PPP4R2: variants seen among roughly 807,000 people sequenced by gnomAD.
PPP4R2 encodes the protein protein phosphatase 4 regulatory subunit 2.
In PPP4R2, 13 loss-of-function variants were observed where a neutral mutation model predicts 47.2. The ratio of observed to expected loss-of-function variants is 0.28; its 90% CI spans 0.18 to 0.44. The LOEUF (loss-of-function observed/expected upper bound fraction) is 0.44, where lower values mean the gene tolerates loss of function less well. Among genes scored for constraint, PPP4R2 ranks in the 20% least tolerant of loss-of-function variants. PPP4R2 has a pLI of 1.00. For synonymous variants in PPP4R2, 151 were observed against 163.3 expected, an observed-to-expected ratio of 0.92 and a Z score of 0.57; for missense variants, 421 against 491.2, an observed-to-expected ratio of 0.86 and a Z score of 1.35.
intron 2 of PPP4R2, among the ~76,000 whole-genome samples, chr3:73,035,206 G>A (rs1027185509): frequency 2.6e-5 from 4 of 152,050 alleles, no homozygotes; most frequent in Non-Finnish European, 2.9e-5. Context: ...TCGCAACCAC[G>A]ATGAGATGTT....
chr3:73,043,711 A>G (rs1212030708), intron 2 of PPP4R2, among the ~76,000 whole-genome samples: 1 of 152,158 alleles, frequency 6.6e-6, no homozygotes, highest in Non-Finnish European at 1.5e-5. Context: ...TCATATGCTT[A>G]TTGGCCATTT....
At chr3:73,047,709 T>TA (rs1702512752) in intron 3 of PPP4R2, among the ~76,000 whole-genome samples, 1 of 152,258 alleles carries the variant, frequency 6.6e-6, no homozygotes, top group Non-Finnish European at 1.5e-5. Flanking sequence ...TACTAATTTA[T>TA]GGAAGTATTT....
intron 5 of PPP4R2, chr3:73,062,211 C>T (rs200734889): frequency 6.3e-7 from 1 of 1,588,106 alleles, no homozygotes; most frequent in African/African-American, 1.4e-5. Context: ...AAGTCGGAAC[C>T]AATTTTCCAC....
At chr3:73,032,587 T>C (rs529327745) in intron 2 of PPP4R2, among the ~76,000 whole-genome samples, 3 of 152,136 alleles carry the variant, frequency 2.0e-5, no homozygotes, top group Non-Finnish European at 4.4e-5. Context: ...GTGCCCAGCC[T>C]ACCTTCCTAT....
intron 2 of PPP4R2, among the ~76,000 whole-genome samples, chr3:73,034,007 C>T (rs992360727): frequency 2.6e-5 from 4 of 152,162 alleles, no homozygotes; most frequent in Admixed American, 1.3e-4. Context: ...CGCCATTTTA[C>T]GTTCCCATCA....
chr3:73,038,158 A>G (rs1575867591), intron 2 of PPP4R2, among the ~76,000 whole-genome samples: 1 of 152,136 alleles, frequency 6.6e-6, no homozygotes, highest in East Asian at 1.9e-4. Context: ...AGCAGGAGCA[A>G]AAGTGGTGAG....
In PPP4R2 at chr3:73,017,559, G is replaced by C. The variant is rs961663173; in HGVS notation, c.116+19401G>C. Among the ~76,000 whole-genome samples the C allele has an allele frequency of 3.3e-5, 5 of 151,924 alleles. No individual in the cohort carries two copies. In the South Asian group the frequency reaches 1.0e-3, roughly 31 times the overall value. The stretch of plus-strand genomic sequence containing the variant: ...TAGATATATTGAGTCTAGAAAGAGT[G>C]AGAGAGAAAGAGATTGGTTATTTCT... On this transcript the variant is annotated intron_variant, in intron 2 of 8. Transcript: ENST00000356692.
chr3:73,004,911 ATGTGTGTGTG>A (rs1214233751), intron 2 of PPP4R2, among the ~76,000 whole-genome samples: 1 of 135,854 alleles, frequency 7.4e-6, no homozygotes, highest in Non-Finnish European at 1.6e-5. Context: ...AGTCGGAGTC[ATGTGTGTGTG>A]TTTGTGTGTT....
In PPP4R2 at chr3:73,022,062, A is replaced by C. The variant is rs115570042; in HGVS notation, c.116+23904A>C. 6.9e-3 allele frequency among the ~76,000 whole-genome samples: 1,047 copies of C among 151,666 alleles called. 13 individuals carry two copies. The highest frequency in any genetic ancestry group is 0.02 in the African/African-American group (833 of 41,342). On this transcript the variant is annotated intron_variant, in intron 2 of 8. Transcript: ENST00000356692. ...GAGGTGCCTGCCACCACTTCTGGGT[A>C]GTTTTTGTATTTTTGGTGGAGATGG...
rs1016591196 is a variant in PPP4R2, at chr3:73,041,783, C to T, written c.117-5403C>T. ...GAACCAGTACGTTAAGGTGGTTGGC[C>T]GCTGGCCACTAAATTGTTGTAGCAC... On this transcript the variant is annotated intron_variant, in intron 2 of 8. Coordinates refer to ENST00000356692, the MANE Select transcript of PPP4R2 (RefSeq NM_174907.4). 3.9e-5 allele frequency among the ~76,000 whole-genome samples: 6 copies of T among 152,140 alleles called. 1 individual carries two copies. Among genetic ancestry groups the T allele is most frequent in the Admixed American group, 2.0e-4 (3 of 15,278 alleles).
At chr3:73,020,827 G>GT (rs1212571323) in intron 2 of PPP4R2, among the ~76,000 whole-genome samples, 1 of 152,008 alleles carries the variant, frequency 6.6e-6, no homozygotes, top group Non-Finnish European at 1.5e-5. Context: ...CGTGCCTGGT[G>GT]TTTCTGGCAT....
intron 2 of PPP4R2, among the ~76,000 whole-genome samples, chr3:73,031,436 G>A (rs965967044): frequency 6.6e-5 from 10 of 152,006 alleles, no homozygotes; most frequent in East Asian, 1.9e-4. Flanking sequence ...CCAGCTACTC[G>A]GGAGGCTGAG....
At chr3:72,997,798 T>G (rs1259906220) in intron 1 of PPP4R2, among the ~76,000 whole-genome samples, 1 of 152,164 alleles carries the variant, frequency 6.6e-6, no homozygotes, top group South Asian at 2.1e-4. Context: ...CAGCTTAATA[T>G]AATGCTGGTG....
At chr3:73,063,132 G>T in intron 5 of PPP4R2, 4 of 513,666 alleles carry the variant, frequency 7.8e-6, no homozygotes, top group Non-Finnish European at 1.4e-5. Flanking sequence ...TAGCAACAGC[G>T]GCAAACTACT....
rs984597566 is a variant in PPP4R2 at position 73,061,077 on chromosome 3, T to A, written c.419+17T>A. On this transcript the variant is annotated intron_variant, in intron 5 of 8. Transcript: ENST00000356692. ...TTCTTCAGAGTAAGTATATTTTTTC[T>A]ATTTCTAGTATATTATTTACTATAT... 2.3e-6 allele frequency: 3 copies of A among 1,281,040 alleles called. No homozygotes were observed. Among genetic ancestry groups the A allele is most frequent in the Non-Finnish European group, 3.3e-6 (3 of 918,320 alleles). The allele number at this position is 1,281,040 out of a possible 1,614,324, so 79.4% of individuals were successfully genotyped here.
intron 2 of PPP4R2, among the ~76,000 whole-genome samples, chr3:73,004,637 CATGTTT>C (rs1239174941): frequency 2.0e-5 from 3 of 151,988 alleles, no homozygotes; most frequent in Non-Finnish European, 4.4e-5. Flanking sequence ...GGGGTTTCAC[CATGTTT>C]TTAGGCTGGT....
At chr3:73,052,279 A>T (rs1406817489) in intron 3 of PPP4R2, among the ~76,000 whole-genome samples, 1 of 124,386 alleles carries the variant, frequency 8.0e-6, no homozygotes, top group Non-Finnish European at 1.7e-5. Flanking sequence ...TGTCTTTTAA[A>T]ATTACTTTGG....
Position 73,004,865 on chromosome 3 carries a change from GTGTGTT to G in PPP4R2, c.116+6711_116+6716del, listed in dbSNP as rs1314510190. Among the ~76,000 whole-genome samples the G allele has an allele frequency of 9.3e-4, 48 of 51,624 alleles. 2 individuals carry two copies. Among genetic ancestry groups the G allele is most frequent in the Admixed American group, 3.5e-3 (22 of 6,366 alleles). 33.9% of individuals were successfully genotyped at this position (51,624 alleles called of 152,430 possible). ...GTGGGGTGTGTGTGTGTGTGTGTGT[GTGTGTT>G]TGTTTGTTTGTTTGTGTGTGTGTGT... On this transcript the variant is annotated intron_variant, in intron 2 of 8. Coordinates refer to ENST00000356692, the MANE Select transcript of PPP4R2 (RefSeq NM_174907.4).
chr3:73,001,483 AG>A (rs35972608), intron 2 of PPP4R2, among the ~76,000 whole-genome samples: 58,067 of 151,582 alleles, frequency 0.38, 11,480 homozygotes, highest in African/African-American at 0.44. Flanking sequence ...AGGAGGTAGG[AG>A]GATCACCTGA....
Sources: allele counts gnomAD v4.1 joint callset (sites outside exome capture counted in the v4.1 genomes callset), GRCh38; gene constraint gnomAD v4.1.1; transcripts MANE v1.5; gene names NCBI Gene and HGNC (gene_info 2026-07-23, HGNC 2026-07-21).